DST: variants seen among roughly 807,000 people sequenced by gnomAD.
DST encodes dystonin.
DST carries 253 observed loss-of-function variants against 875.2 expected under a neutral mutation model. The observed-to-expected ratio is 0.29, with a 90% CI of 0.26 to 0.32. DST has a LOEUF of 0.32. DST is among the 10% of genes least tolerant of loss of function. The probability of loss-of-function intolerance (pLI) is 1.00; values close to 1 mark genes in which losing one functional copy is unlikely to be tolerated. For synonymous variants in DST, 3,124 were observed against 3,197.1 expected, an observed-to-expected ratio of 0.98 and a Z score of 0.77; for missense variants, 8,287 against 9,111.6, an observed-to-expected ratio of 0.91 and a Z score of 3.68.
intron 3 of DST, among the ~76,000 whole-genome samples, chr6:56,856,511 G>T (rs78535866): frequency 0.038 from 5,802 of 152,130 alleles, 151 homozygotes; most frequent in South Asian, 0.067. Flanking sequence ...AAGCACACAA[G>T]GAAACAGACA....
At chr6:56,786,096 GTGTT>G (rs1402348632) in intron 4 of DST, among the ~76,000 whole-genome samples, 1 of 152,128 alleles carries the variant, frequency 6.6e-6, no homozygotes, top group African/African-American at 2.4e-5. Flanking sequence ...AAAACTGTGT[GTGTT>G]TGTGTGTGCA....
Position 56,485,308 on chromosome 6 carries a change from A to G in DST, c.21207+4T>C, listed in dbSNP as rs1416082578. On this transcript the variant is annotated splice_donor_region_variant and intron_variant, in intron 88 of 103. Coordinates refer to ENST00000680361, the MANE Select transcript of DST (RefSeq NM_001374736.1). ...ATAAAATAAAATGTCCCAGATAACAATACCTTGTGATTATCGATCAGATTC... is the reference window on the plus strand; with the variant it reads ...ATAAAATAAAATGTCCCAGATAACAGTACCTTGTGATTATCGATCAGATTC... 1.2e-6 allele frequency: 2 copies of G among 1,613,248 alleles called. No individual in the cohort carries two copies. Among genetic ancestry groups the G allele is most frequent in the Non-Finnish European group, 1.7e-6 (2 of 1,179,458 alleles).
chr6:56,676,347 C>T (rs533005327), intron 9 of DST, among the ~76,000 whole-genome samples: 4 of 152,296 alleles, frequency 2.6e-5, no homozygotes, highest in South Asian at 2.1e-4. Context: ...GGATTACAGG[C>T]GTGAGCCACT....
chr6:56,595,781 C>CCG (rs1554443509), intron 47 of DST, among the ~76,000 whole-genome samples: 1 of 145,428 alleles, frequency 6.9e-6, no homozygotes, highest in African/African-American at 2.9e-5. Flanking sequence ...CATATGCTAC[C>CCG]CCCACCCCAC....
rs768286235 is a variant in DST, at chr6:56,631,402, GAACA to G, written c.3964-17_3964-14del. ...CTTTCTTTAGTTTCTATAAAACAGA[GAACA>G]AACAAAGGTATCAGGCCATCACCTG... On this transcript the variant is annotated splice_polypyrimidine_tract_variant and intron_variant, in intron 29 of 103. Transcript: ENST00000680361. 1.9e-6 allele frequency: 3 copies of G among 1,612,056 alleles called. No homozygotes were observed. Among genetic ancestry groups the G allele is most frequent in the South Asian group, 1.1e-5 (1 of 90,904 alleles).
At chr6:56,692,820 T>A in intron 9 of DST, 2 of 1,289,814 alleles carry the variant, frequency 1.6e-6, no homozygotes, top group Non-Finnish European at 2.0e-6. Flanking sequence ...TCGGCAGAAG[T>A]TTCTGTTTAA....
intron 4 of DST, among the ~76,000 whole-genome samples, chr6:56,802,469 G>GTA (rs900912040): frequency 2.1e-4 from 32 of 151,500 alleles, no homozygotes; most frequent in Middle Eastern, 3.4e-3. Context: ...TTTTATACAT[G>GTA]TATATATATA....
At chr6:56,927,167 C>T (rs566133592) in intron 2 of DST, among the ~76,000 whole-genome samples, 1 of 152,084 alleles carries the variant, frequency 6.6e-6, no homozygotes, top group Non-Finnish European at 1.5e-5. Context: ...TCAGCTAATG[C>T]AGAACACACA....
chr6:56,619,062 T>C (rs886061647), intron 36 of DST: 38 of 1,614,122 alleles, frequency 2.4e-5, no homozygotes, highest in Non-Finnish European at 3.2e-5. Flanking sequence ...CTTACCAAAT[T>C]TTGACTTTTC....
intron 91 of DST, among the ~76,000 whole-genome samples, chr6:56,477,096 T>C (rs935167477): frequency 1.3e-5 from 2 of 152,162 alleles, no homozygotes; most frequent in Non-Finnish European, 2.9e-5. Context: ...GAGGCCAAAA[T>C]GTTATACAGT....
At chr6:56,813,104 AATC>A (rs1425634722) in intron 4 of DST, among the ~76,000 whole-genome samples, 10 of 151,870 alleles carry the variant, frequency 6.6e-5, no homozygotes, top group Non-Finnish European at 1.2e-4. Flanking sequence ...TGAAATTGGA[AATC>A]ATCATTCTCA....
intron 12 of DST, among the ~76,000 whole-genome samples, chr6:56,649,878 G>A (rs755264914): frequency 2.0e-5 from 3 of 152,156 alleles, no homozygotes; most frequent in Non-Finnish European, 2.9e-5. Flanking sequence ...AATGGAGACA[G>A]AAAGCTGTAG....
intron 4 of DST, among the ~76,000 whole-genome samples, chr6:56,795,544 A>G (rs1173217348): frequency 1.3e-5 from 2 of 152,186 alleles, no homozygotes; most frequent in African/African-American, 4.8e-5. Flanking sequence ...GACAAAGAAA[A>G]GACACTAAAA....
At chr6:56,884,266 A>C (rs1157085068) in intron 3 of DST, among the ~76,000 whole-genome samples, 1 of 151,926 alleles carries the variant, frequency 6.6e-6, no homozygotes, top group African/African-American at 2.4e-5. Context: ...ATAGACTATC[A>C]CTCCCACATT....
intron 80 of DST, 65 bp downstream of exon 80, chr6:56,501,015 C>T (rs190127876): frequency 1.5e-5 from 23 of 1,490,920 alleles, no homozygotes; most frequent in East Asian, 4.8e-5. Context: ...GAAATATATC[C>T]AAGAAATCTG....
chr6:56,589,653 G>T (rs971164765), intron 49 of DST, among the ~76,000 whole-genome samples: 18 of 152,184 alleles, frequency 1.2e-4, no homozygotes, highest in Non-Finnish European at 4.4e-5. Flanking sequence ...CCACACCCAG[G>T]CCTTGAGACT....
rs2096868215 is a variant in DST, at chr6:56,530,063, A to G, written c.17179T>C (p.Trp5727Arg). 3.1e-6 allele frequency: 5 copies of G among 1,612,818 alleles called. No individual in the cohort carries two copies. The Admixed American group carries it at 6.7e-5, about 22-fold the overall frequency. ...AGCCTCTTTTCTATGGTTGTAAGCCACTCGTTCAGTGGTTCTAAGGTTTCA... is the reference window on the plus strand; with the variant it reads ...AGCCTCTTTTCTATGGTTGTAAGCCGCTCGTTCAGTGGTTCTAAGGTTTCA... Reference protein sequence around the residue: ...FHETLEPLNEWLTTIEKRLVN... With the variant: ...FHETLEPLNERLTTIEKRLVN... The change falls in exon 65 of 104, where the codon TGG becomes CGG. Residue 5727 changes from tryptophan to arginine, a missense_variant. Physicochemically the swap from Trp to Arg is moderately radical, Grantham distance 101 (BLOSUM62 -3). This residue lies in a region of DST where 777 missense variants were observed against 764.8 expected (regional missense o/e 1.02). Transcript: ENST00000680361.
At chr6:56,758,352 T>C (rs1214430629) in intron 4 of DST, among the ~76,000 whole-genome samples, 2 of 152,088 alleles carry the variant, frequency 1.3e-5, no homozygotes, top group East Asian at 1.9e-4. Context: ...GGAATGCAGA[T>C]GTGGTGGTGA....
At chr6:56,872,747 A>G (rs1743847994) in intron 3 of DST, among the ~76,000 whole-genome samples, 1 of 151,864 alleles carries the variant, frequency 6.6e-6, no homozygotes, top group Non-Finnish European at 1.5e-5. Flanking sequence ...ATAGGTATTT[A>G]TCAGATAGAT....
Sources: gnomAD v4.1 joint callset for allele counts (sites outside exome capture counted in the v4.1 genomes callset) on GRCh38, gnomAD v4.1.1 for gene constraint, gnomAD v4.1.1 regional missense constraint, MANE v1.5 for transcripts, NCBI Gene and HGNC (gene_info 2026-07-23, HGNC 2026-07-21) for gene names.